Variants in RNLS observed in about 807,000 individuals in gnomAD.
RNLS encodes renalase, FAD dependent amine oxidase, also known as renalase.
In RNLS, 39 loss-of-function variants were observed where a neutral mutation model predicts 39.8. The observed-to-expected ratio is 0.98, with a 90% CI of 0.76 to 1.28. The LOEUF (loss-of-function observed/expected upper bound fraction) is 1.28, where lower values mean the gene tolerates loss of function less well. Among genes scored for constraint, RNLS ranks in the 50% most tolerant of loss-of-function variants. The pLI is 0.00. For missense variants in RNLS, 410 were observed against 413.3 expected, an observed-to-expected ratio of 0.99 and a Z score of 0.07; for synonymous variants, 147 against 150.7, an observed-to-expected ratio of 0.98 and a Z score of 0.18.
the RNLS span, among the ~76,000 whole-genome samples, chr10:88,226,414 G>T: frequency 1.3e-5 from 2 of 152,274 alleles, no homozygotes; most frequent in East Asian, 3.8e-4. Flanking sequence ...TGAGGTCCCA[G>T]CTCCAGCTGG....
chr10:88,189,822 T>G, the RNLS span, among the ~76,000 whole-genome samples: 2 of 152,234 alleles, frequency 1.3e-5, no homozygotes, highest in African/African-American at 2.4e-5. Flanking sequence ...GGATGAAAGT[T>G]TATGACATCT....
chr10:88,397,051 T>A (rs749988540), intron 4 of RNLS, among the ~76,000 whole-genome samples: 13 of 151,898 alleles, frequency 8.6e-5, no homozygotes, highest in Non-Finnish European at 1.8e-4. Context: ...CAATAATGGA[T>A]AGAACAGCCA....
At chr10:88,203,886 TTAAAG>T in the RNLS span, among the ~76,000 whole-genome samples, 1 of 152,210 alleles carries the variant, frequency 6.6e-6, no homozygotes, top group South Asian at 2.1e-4. Flanking sequence ...TATTATCCAG[TTAAAG>T]TAATACTAGC....
intron 4 of RNLS, among the ~76,000 whole-genome samples, chr10:88,567,929 T>C (rs892862049): frequency 6.6e-6 from 1 of 152,160 alleles, no homozygotes; most frequent in Non-Finnish European, 1.5e-5. Flanking sequence ...ATGTTAGCTG[T>C]GCAACAAAGT....
At chr10:88,425,679 T>C (rs940421281) in intron 4 of RNLS, among the ~76,000 whole-genome samples, 7 of 152,120 alleles carry the variant, frequency 4.6e-5, no homozygotes, top group Non-Finnish European at 7.4e-5. Flanking sequence ...TTAAAAATGA[T>C]AGCTAAAAAT....
At chr10:88,491,713 A>ATTC (rs1412776996) in intron 4 of RNLS, among the ~76,000 whole-genome samples, 1 of 152,204 alleles carries the variant, frequency 6.6e-6, no homozygotes, top group Non-Finnish European at 1.5e-5. Flanking sequence ...TTTCCTCATT[A>ATTC]TGAACAAACA....
intron 4 of RNLS, among the ~76,000 whole-genome samples, chr10:88,499,356 G>T (rs1388381495): frequency 6.6e-6 from 1 of 152,108 alleles, no homozygotes; most frequent in Admixed American, 6.6e-5. Flanking sequence ...CTCAGTTCCA[G>T]TGAGTCTCAA....
chr10:88,196,881 C>G, the RNLS span, among the ~76,000 whole-genome samples: 1 of 152,176 alleles, frequency 6.6e-6, no homozygotes, highest in Admixed American at 6.5e-5. Flanking sequence ...AATTCTCAGC[C>G]CAATATGTTT....
At chr10:88,339,853 C>T (rs935571104) in intron 5 of RNLS, among the ~76,000 whole-genome samples, 2 of 152,164 alleles carry the variant, frequency 1.3e-5, no homozygotes, top group Non-Finnish European at 2.9e-5. Context: ...TATGTATGTA[C>T]TGACACAGCA....
chr10:88,175,521 T>C, the RNLS span, among the ~76,000 whole-genome samples: 324 of 152,334 alleles, frequency 2.1e-3, 1 homozygote, highest in Admixed American at 4.5e-3. Flanking sequence ...CAGGAAGATA[T>C]TTGTTAATTT....
At chr10:88,485,450 C>A (rs1844436066) in intron 4 of RNLS, among the ~76,000 whole-genome samples, 2 of 151,644 alleles carry the variant, frequency 1.3e-5, no homozygotes, top group African/African-American at 4.8e-5. Flanking sequence ...TATAAGAATT[C>A]ATTCAAAATA....
At chr10:88,468,590 T>C (rs1268255101) in intron 4 of RNLS, among the ~76,000 whole-genome samples, 1 of 152,178 alleles carries the variant, frequency 6.6e-6, no homozygotes, top group Admixed American at 6.6e-5. Flanking sequence ...ACTGGGACTT[T>C]GAAAGCTATG....
At position 88,490,274 on chromosome 10, in the gene RNLS, G is replaced by A. The variant is rs527903663; in HGVS notation, c.526+82629C>T. Reference sequence around the variant, plus strand: ...TTATAAGTTTATAAAATATCAAATAGTCTGAGGTTATCTTAAAAGAGGCAA... The same window carrying A: ...TTATAAGTTTATAAAATATCAAATAATCTGAGGTTATCTTAAAAGAGGCAA... On this transcript the variant is annotated intron_variant, in intron 4 of 6. Coordinates refer to ENST00000331772, the MANE Select transcript of RNLS (RefSeq NM_001031709.3). Among the ~76,000 whole-genome samples, 83 of 152,292 alleles carry A rather than the reference G, an allele frequency of 5.5e-4. 1 individual carries two copies. Among genetic ancestry groups the A allele is most frequent in the African/African-American group, 1.8e-3 (76 of 41,576 alleles).
chr10:88,250,472 A>G, the RNLS span, among the ~76,000 whole-genome samples: 1 of 152,196 alleles, frequency 6.6e-6, no homozygotes, highest in African/African-American at 2.4e-5. Flanking sequence ...GCAGACAGGT[A>G]TAGAGAAGAG....
At chr10:88,296,555 C>T (rs757920011) in intron 6 of RNLS, among the ~76,000 whole-genome samples, 6 of 152,018 alleles carry the variant, frequency 3.9e-5, no homozygotes, top group South Asian at 2.1e-4. Flanking sequence ...GGTCTAGAAA[C>T]GAACTTCCTT....
At chr10:88,253,924 C>T in the RNLS span, among the ~76,000 whole-genome samples, 1 of 152,210 alleles carries the variant, frequency 6.6e-6, no homozygotes, top group South Asian at 2.1e-4. Context: ...GAGCTTTCCA[C>T]ATTAAACAAA....
intron 4 of RNLS, among the ~76,000 whole-genome samples, chr10:88,376,696 T>G (rs1453043210): frequency 2.0e-5 from 3 of 152,132 alleles, no homozygotes; most frequent in Non-Finnish European, 2.9e-5. Context: ...ACTCACATAT[T>G]AGTATATACA....
intron 4 of RNLS, among the ~76,000 whole-genome samples, chr10:88,445,720 C>T (rs1427660550): frequency 1.3e-5 from 2 of 152,112 alleles, no homozygotes; most frequent in South Asian, 2.1e-4. Flanking sequence ...ACAAACAAGG[C>T]CATTACATAA....
At chr10:88,472,599 G>A (rs994757207) in intron 4 of RNLS, among the ~76,000 whole-genome samples, 2 of 152,184 alleles carry the variant, frequency 1.3e-5, no homozygotes, top group Non-Finnish European at 2.9e-5. Flanking sequence ...AGCCTCTGTT[G>A]ACAGGAATAA....
Sources: gnomAD v4.1 joint callset for allele counts (sites outside exome capture counted in the v4.1 genomes callset) on GRCh38, gnomAD v4.1.1 for gene constraint, MANE v1.5 for transcripts, NCBI Gene and HGNC (gene_info 2026-07-23, HGNC 2026-07-21) for gene names.